Variants in DPP10 observed in about 807,000 individuals in gnomAD.
DPP10 encodes dipeptidyl peptidase like 10, also known as inactive dipeptidyl peptidase 10.
A neutral mutation model predicts 120.9 loss-of-function variants in DPP10; 33 were observed. The observed-to-expected ratio is 0.27, with a 90% CI of 0.21 to 0.37. DPP10 has a LOEUF of 0.37. DPP10 is among the 10% of genes least tolerant of loss of function. DPP10 has a pLI of 1.00. For synonymous variants in DPP10, 337 were observed against 326.1 expected, an observed-to-expected ratio of 1.03 and a Z score of -0.36; for missense variants, 816 against 942.8, an observed-to-expected ratio of 0.87 and a Z score of 1.76.
intron 1 of DPP10, among the ~76,000 whole-genome samples, chr2:115,222,840 T>C (rs1013273672): frequency 2.0e-5 from 3 of 152,178 alleles, no homozygotes; most frequent in Non-Finnish European, 4.4e-5. Context: ...GGGCTCTTTT[T>C]ATTACATTGT....
chr2:114,650,664 T>C (rs1286351297), intron 1 of DPP10, among the ~76,000 whole-genome samples: 1 of 149,424 alleles, frequency 6.7e-6, no homozygotes, highest in African/African-American at 2.6e-5. Context: ...ATGGGAGAAT[T>C]CTATTAAGTA....
intron 1 of DPP10, among the ~76,000 whole-genome samples, chr2:114,812,608 AC>A (rs1685272868): frequency 6.6e-6 from 1 of 151,460 alleles, no homozygotes; most frequent in Non-Finnish European, 1.5e-5. Context: ...ACACACACAC[AC>A]ACACACACAA....
chr2:115,288,470 C>T (rs1469515168), intron 1 of DPP10, among the ~76,000 whole-genome samples: 1 of 152,070 alleles, frequency 6.6e-6, no homozygotes, highest in Non-Finnish European at 1.5e-5. Flanking sequence ...GTAATCCCAG[C>T]ACTTTGGGAG....
chr2:115,623,946 C>T (rs995510832), intron 5 of DPP10, among the ~76,000 whole-genome samples: 5 of 152,032 alleles, frequency 3.3e-5, no homozygotes, highest in African/African-American at 4.8e-5. Flanking sequence ...AGAAACAAAA[C>T]GAGATCATTT....
At chr2:114,600,059 A>AT (rs776462085) in intron 1 of DPP10, among the ~76,000 whole-genome samples, 18 of 150,416 alleles carry the variant, frequency 1.2e-4, no homozygotes, top group East Asian at 7.8e-4. Context: ...CTAGGGATCA[A>AT]TTTTTTTTTC....
At chr2:115,362,074 A>T (rs1233119946) in intron 3 of DPP10, among the ~76,000 whole-genome samples, 2 of 151,990 alleles carry the variant, frequency 1.3e-5, no homozygotes, top group Non-Finnish European at 2.9e-5. Context: ...TTCTTTATGA[A>T]TGGCTAAATT....
rs180684717 is a variant in DPP10 at position 115,664,322 on chromosome 2, T to C, written c.442-25365T>C. On this transcript the variant is annotated intron_variant, in intron 5 of 25. Transcript: ENST00000410059. ...CAATGTTATAAAATACTATCAAATATTGATTACAAATTTTTCAAATTTTTG... is the reference window on the plus strand; with the variant it reads ...CAATGTTATAAAATACTATCAAATACTGATTACAAATTTTTCAAATTTTTG... Among the ~76,000 whole-genome samples the C allele has an allele frequency of 3.9e-5, 6 of 152,170 alleles. No homozygotes were observed. The East Asian group carries it at 1.2e-3, about 29-fold the overall frequency.
At chr2:115,657,379 G>A (rs1353678082) in intron 5 of DPP10, among the ~76,000 whole-genome samples, 3 of 151,686 alleles carry the variant, frequency 2.0e-5, no homozygotes, top group Non-Finnish European at 3.0e-5. Flanking sequence ...ATTTTAGTAT[G>A]CGACTCTGCA....
chr2:115,255,768 C>G (rs1022407865), intron 1 of DPP10, among the ~76,000 whole-genome samples: 1 of 152,178 alleles, frequency 6.6e-6, no homozygotes, highest in Admixed American at 6.5e-5. Context: ...AGTTCTTAGA[C>G]TACTGTGGCC....
At chr2:114,896,996 T>C (rs1248956515) in intron 1 of DPP10, among the ~76,000 whole-genome samples, 3 of 152,228 alleles carry the variant, frequency 2.0e-5, no homozygotes, top group Non-Finnish European at 2.9e-5. Context: ...GAGATAATCA[T>C]GTGGTTTTTG....
chr2:114,889,732 A>G (rs1432564519), intron 1 of DPP10, among the ~76,000 whole-genome samples: 2 of 152,236 alleles, frequency 1.3e-5, no homozygotes, highest in Non-Finnish European at 2.9e-5. Flanking sequence ...AATATTAAAA[A>G]TGATGGATAA....
At chr2:115,235,116 G>A (rs116171401) in intron 1 of DPP10, among the ~76,000 whole-genome samples, 129 of 152,194 alleles carry the variant, frequency 8.5e-4, no homozygotes, top group African/African-American at 3.1e-3. Flanking sequence ...TTCTCAGTGT[G>A]ACCTCTTAAA....
intron 3 of DPP10, among the ~76,000 whole-genome samples, chr2:115,363,561 C>A (rs147543340): frequency 6.6e-6 from 1 of 152,150 alleles, no homozygotes; most frequent in African/African-American, 2.4e-5. Context: ...AGACATGGTG[C>A]GCAAGTTACT....
At chr2:115,384,707 A>AAG (rs1553574793) in intron 3 of DPP10, among the ~76,000 whole-genome samples, 125 of 148,506 alleles carry the variant, frequency 8.4e-4, no homozygotes, top group African/African-American at 3.0e-3. Context: ...AAGAAAGAAG[A>AAG]AAGAAGAAGA....
At chr2:114,669,545 G>T (rs1446519001) in intron 1 of DPP10, among the ~76,000 whole-genome samples, 1 of 152,056 alleles carries the variant, frequency 6.6e-6, no homozygotes, top group East Asian at 1.9e-4. Flanking sequence ...TGACAGTATT[G>T]AATTGATGGC....
chr2:115,338,589 C>T (rs2063285825), intron 2 of DPP10, among the ~76,000 whole-genome samples: 1 of 152,018 alleles, frequency 6.6e-6, no homozygotes, highest in African/African-American at 2.4e-5. Flanking sequence ...GCCTCCCAAG[C>T]AGCTGGGATT....
At chr2:114,672,353 GTCTTTC>G (rs1341159095) in intron 1 of DPP10, among the ~76,000 whole-genome samples, 1 of 152,134 alleles carries the variant, frequency 6.6e-6, no homozygotes, top group African/African-American at 2.4e-5. Flanking sequence ...CCCTTTTTCT[GTCTTTC>G]TCTTTCTCCC....
At chr2:114,718,702 C>T (rs981725877) in intron 1 of DPP10, among the ~76,000 whole-genome samples, 4 of 152,080 alleles carry the variant, frequency 2.6e-5, no homozygotes, top group African/African-American at 9.7e-5. Context: ...GGAAAATGAC[C>T]AGCCTCAGGT....
chr2:115,402,915 GTGTA>G (rs2068202701), intron 3 of DPP10, among the ~76,000 whole-genome samples: 1 of 138,044 alleles, frequency 7.2e-6, no homozygotes, highest in Non-Finnish European at 1.5e-5. Context: ...ATATATATGT[GTGTA>G]TATATATATG....
Sources: allele counts gnomAD v4.1 joint callset (sites outside exome capture counted in the v4.1 genomes callset), GRCh38; gene constraint gnomAD v4.1.1; transcripts MANE v1.5; gene names NCBI Gene and HGNC (gene_info 2026-07-23, HGNC 2026-07-21).